UBE2L3: variants seen among roughly 807,000 people sequenced by gnomAD.
UBE2L3 encodes the protein ubiquitin conjugating enzyme E2 L3, also known as ubiquitin-conjugating enzyme E2 L3.
A neutral mutation model predicts 17.8 loss-of-function variants in UBE2L3; 1 was observed. The ratio of observed to expected loss-of-function variants is 0.06; its 90% CI spans 0.02 to 0.27. The LOEUF (loss-of-function observed/expected upper bound fraction) is 0.27. Among genes scored for constraint, UBE2L3 ranks in the 10% least tolerant of loss-of-function variants. The pLI, the probability that UBE2L3 is intolerant of heterozygous loss-of-function variation, is 1.00. For missense variants in UBE2L3, 40 were observed against 192.6 expected (o/e 0.21, Z 4.69); for synonymous variants, 44 against 68.5 (o/e 0.64, Z 1.76).
chr22:21,623,997 C>CA lies in UBE2L3; in HGVS notation c.*2328_*2329insA, dbSNP rs1930187222. On this transcript the variant is annotated 3_prime_UTR_variant, in exon 4 of 4. Transcript: ENST00000342192. Reference sequence around the variant, plus strand: ...TAGGCTTTCTAAGATGCTGCGATCCCGTTCTGCTGCCCGTAATAAAAATGC... The same window carrying CA: ...TAGGCTTTCTAAGATGCTGCGATCCCAGTTCTGCTGCCCGTAATAAAAATGC... 6.6e-6 allele frequency: 1 copy of CA among 152,368 alleles called. No individual in the cohort carries two copies. Among genetic ancestry groups the CA allele is most frequent in the South Asian group, 2.1e-4 (1 of 4,830 alleles). The allele number at this position is 152,368 out of a possible 1,614,324, so 9.4% of individuals were successfully genotyped here.
In UBE2L3 at chr22:21,556,271, T is replaced by A. The variant is rs928512643; in HGVS notation, c.201+6621T>A. ...AAGGCCAGGCATAGTGGCGTGTGCC[T>A]GTAGCCCCAGCTACTTAGGAGGCTG... On this transcript the variant is annotated intron_variant, in intron 1 of 3. Coordinates refer to the UBE2L3 transcript ENST00000458578. 1.3e-5 allele frequency among the ~76,000 whole-genome samples: 2 copies of A among 152,226 alleles called. 1 individual carries two copies. The highest frequency in any genetic ancestry group is 2.9e-5 in the Non-Finnish European group (2 of 68,050).
upstream of UBE2L3, among the ~76,000 whole-genome samples, chr22:21,564,143 CTCT>C (rs1926553206): frequency 6.6e-6 from 1 of 151,750 alleles, no homozygotes; most frequent in African/African-American, 2.4e-5. Flanking sequence ...CCAAGTGATC[CTCT>C]CACTTCAGCC....
At chr22:21,604,073 G>T (rs1036515784) in intron 2 of UBE2L3, among the ~76,000 whole-genome samples, 6 of 151,996 alleles carry the variant, frequency 3.9e-5, no homozygotes, top group South Asian at 2.1e-4. Context: ...CTAGTTTAGA[G>T]TGTGTAAAAT....
rs749117705 is a variant in UBE2L3, at chr22:21,621,691, G to C, written c.*22G>C. 12 of 1,577,542 alleles carry C rather than the reference G, an allele frequency of 7.6e-6. No individual in the cohort carries two copies. The South Asian group carries it at 1.2e-4, about 16-fold the overall frequency. ...CTAAAATCTGCCACGATTGGTTCCA[G>C]CAAGTGTGAGCAGAGACCCCGTGCA... On this transcript the variant is annotated 3_prime_UTR_variant, in exon 4 of 4. Transcript: ENST00000342192.
intron 1 of UBE2L3, among the ~76,000 whole-genome samples, chr22:21,557,436 A>C (rs1384664424): frequency 1.3e-5 from 2 of 152,284 alleles, no homozygotes; most frequent in Non-Finnish European, 2.9e-5. Context: ...AAATAAATTA[A>C]ACAGAAATAC....
At chr22:21,578,570 G>T (rs1927448776) in intron 1 of UBE2L3, among the ~76,000 whole-genome samples, 1 of 152,004 alleles carries the variant, frequency 6.6e-6, no homozygotes, top group South Asian at 2.1e-4. Context: ...GGACTCTGGA[G>T]TTTGTAATGG....
intron 1 of UBE2L3, among the ~76,000 whole-genome samples, chr22:21,579,771 A>C (rs1601404573): frequency 6.6e-6 from 1 of 151,404 alleles, no homozygotes; most frequent in Non-Finnish European, 1.5e-5. Flanking sequence ...ACCCTGTCTC[A>C]GGGGGAAAAA....
chr22:21,618,164 G>A (rs750760137), intron 3 of UBE2L3, among the ~76,000 whole-genome samples: 1 of 151,882 alleles, frequency 6.6e-6, no homozygotes, highest in African/African-American at 2.4e-5. Context: ...CTGGGCGACA[G>A]AGTGAGACGC....
chr22:21,586,570 CTTT>C (rs77935916), intron 1 of UBE2L3, among the ~76,000 whole-genome samples: 4 of 138,174 alleles, frequency 2.9e-5, no homozygotes, highest in Admixed American at 7.3e-5. Flanking sequence ...TGCACCCAGC[CTTT>C]TTTTTTTTTT....
At chr22:21,616,911 T>C (rs922366247) in intron 3 of UBE2L3, among the ~76,000 whole-genome samples, 9 of 151,704 alleles carry the variant, frequency 5.9e-5, no homozygotes, top group Non-Finnish European at 1.3e-4. Context: ...GCAGAGAAAC[T>C]GTCATTAAGA....
chr22:21,552,936 A>G (rs1926123628), intron 1 of UBE2L3, among the ~76,000 whole-genome samples: 1 of 73,992 alleles, frequency 1.4e-5, no homozygotes, highest in African/African-American at 7.4e-5. Context: ...CATGTTAACC[A>G]GGATGGTCTT....
intron 1 of UBE2L3, among the ~76,000 whole-genome samples, chr22:21,575,272 A>G (rs1030797441): frequency 2.7e-5 from 4 of 150,816 alleles, no homozygotes; most frequent in South Asian, 2.1e-4. Flanking sequence ...AAAAAAAAAA[A>G]AAAAAGAAAA....
At chr22:21,597,775 ATTTTTTTTTTTTTTTTTT>A (rs35054754) in intron 2 of UBE2L3, among the ~76,000 whole-genome samples, 3 of 25,552 alleles carry the variant, frequency 1.2e-4, no homozygotes, top group Admixed American at 7.7e-4. Flanking sequence ...TTATATGTAG[ATTTTTTTTTTTTTTTTTT>A]TTTTTTTTTT....
intron 1 of UBE2L3, among the ~76,000 whole-genome samples, chr22:21,577,630 CT>C (rs1219657167): frequency 2.0e-5 from 3 of 152,168 alleles, no homozygotes; most frequent in Non-Finnish European, 4.4e-5. Context: ...GGCCTTGCTC[CT>C]GCTTTTTAGA....
intron 1 of UBE2L3, among the ~76,000 whole-genome samples, chr22:21,585,458 C>G (rs1927883891): frequency 6.6e-6 from 1 of 152,154 alleles, no homozygotes; most frequent in Non-Finnish European, 1.5e-5. Flanking sequence ...TATGTGGTAC[C>G]TAACTACATC....
rs1601449403 is a variant in UBE2L3 at position 21,621,989 on chromosome 22, A to T, written c.*320A>T. 6.1e-6 allele frequency: 1 copy of T among 163,726 alleles called. No individual in the cohort carries two copies. Among genetic ancestry groups the T allele is most frequent in the Non-Finnish European group, 1.1e-5 (1 of 89,476 alleles). 10.1% of individuals were successfully genotyped at this position (163,726 alleles called of 1,614,324 possible). On this transcript the variant is annotated 3_prime_UTR_variant, in exon 4 of 4. Transcript: ENST00000342192. ...AAGTTACATTTAACCCATAAGGTTTAAAAAAAAGGAAAAAAAACGGTTGTG... is the reference window on the plus strand; with the variant it reads ...AAGTTACATTTAACCCATAAGGTTTTAAAAAAAGGAAAAAAAACGGTTGTG...
chr22:21,616,644 C>T (rs1299930954), intron 3 of UBE2L3, among the ~76,000 whole-genome samples: 5 of 140,386 alleles, frequency 3.6e-5, no homozygotes, highest in African/African-American at 1.4e-4. Context: ...AGAGTGAGAG[C>T]GAGACTCCAT....
chr22:21,595,300 C>A (rs1024918780), intron 2 of UBE2L3, among the ~76,000 whole-genome samples: 2 of 152,274 alleles, frequency 1.3e-5, no homozygotes, highest in Non-Finnish European at 2.9e-5. Context: ...AAGTCTTCTT[C>A]CTTCTCCAGA....
chr22:21,597,929 G>A (rs1928632102), intron 2 of UBE2L3, among the ~76,000 whole-genome samples: 1 of 148,352 alleles, frequency 6.7e-6, no homozygotes, highest in African/African-American at 2.5e-5. Flanking sequence ...AGCTGGTACT[G>A]AAGGCATGAG....
Sources: gnomAD v4.1 joint callset for allele counts (sites outside exome capture counted in the v4.1 genomes callset) on GRCh38, gnomAD v4.1.1 for gene constraint, MANE v1.5 for transcripts, NCBI Gene and HGNC (gene_info 2026-07-23, HGNC 2026-07-21) for gene names.